LRP8: variants seen among roughly 807,000 people sequenced by gnomAD.
LRP8 encodes LDL receptor related protein 8, also known as low-density lipoprotein receptor-related protein 8.
LRP8 carries 46 observed loss-of-function variants against 111.6 expected under a neutral mutation model. That is an observed-to-expected ratio of 0.41 (90% CI 0.33 to 0.53). The LOEUF is 0.53. LRP8 is among the 20% of genes least tolerant of loss of function. The pLI is 0.20. For synonymous variants in LRP8, 464 were observed against 511.2 expected (o/e 0.91, Z 1.24); for missense variants, 959 against 1,297.4 (o/e 0.74, Z 4.01).
chr1:53,247,124 A>G (rs546434220), intron 18 of LRP8, 68 bp from the exon 19 acceptor site: 1 of 1,270,490 alleles, frequency 7.9e-7, no homozygotes, highest in South Asian at 1.4e-5. Flanking sequence ...GTATTGACAA[A>G]TCACAGACTT....
chr1:53,326,723 G>A (rs971476025), intron 2 of LRP8, 150 bp downstream of exon 2: 3 of 1,303,988 alleles, frequency 2.3e-6, no homozygotes, highest in South Asian at 3.1e-5. Context: ...CGAGGGAGGC[G>A]GTGCCCAGGC....
At chr1:53,251,609 A>G (rs749002975) in intron 16 of LRP8, among the ~76,000 whole-genome samples, 1 of 150,454 alleles carries the variant, frequency 6.6e-6, no homozygotes, top group Non-Finnish European at 1.5e-5. Flanking sequence ...CTAGGATGCT[A>G]TGGAAGGGGT....
intron 3 of LRP8, among the ~76,000 whole-genome samples, chr1:53,288,745 CT>C (rs1337947430): frequency 6.6e-6 from 1 of 152,218 alleles, no homozygotes; most frequent in Non-Finnish European, 1.5e-5. Flanking sequence ...TTGCCTGAGC[CT>C]TTTGTCTCGG....
intron 2 of LRP8, among the ~76,000 whole-genome samples, chr1:53,318,377 AG>A (rs1200095207): frequency 1.3e-5 from 2 of 151,996 alleles, no homozygotes; most frequent in African/African-American, 2.4e-5. Flanking sequence ...CCCTGTGCTC[AG>A]AGAAGAGGGA....
intron 2 of LRP8, among the ~76,000 whole-genome samples, chr1:53,319,129 G>A (rs1654168036): frequency 6.6e-6 from 1 of 152,168 alleles, no homozygotes. Flanking sequence ...ATCAAGGAAT[G>A]GGGATCATAA....
chr1:53,250,575 G>C lies in LRP8; in HGVS notation c.2676+115C>G. ...GGAAGGAAAGGAGGGAGGGAAGGAC[G>C]GAAGGAAGGAAGGGAGGGAAGAAAG... On this transcript the variant is annotated intron_variant, in intron 17 of 18. Transcript: ENST00000306052. This position sits in a 1 kb window ranked among gnomAD's most constrained non-coding sequence, Gnocchi z 4.6. 3 of 852,286 alleles carry C rather than the reference G, an allele frequency of 3.5e-6. No homozygotes were observed. The highest frequency in any genetic ancestry group is 5.5e-6 in the Non-Finnish European group (3 of 542,444). The allele number at this position is 852,286 out of a possible 1,614,324, so 52.8% of individuals were successfully genotyped here.
At chr1:53,301,218 G>A (rs1031982088) in intron 2 of LRP8, among the ~76,000 whole-genome samples, 3 of 152,162 alleles carry the variant, frequency 2.0e-5, no homozygotes, top group African/African-American at 7.2e-5. Flanking sequence ...TGGGGGCATT[G>A]GGGAACAAGG....
intron 13 of LRP8, 82 bp downstream of exon 13, chr1:53,260,376 CTGAATG>C: frequency 7.6e-7 from 1 of 1,308,452 alleles, no homozygotes; most frequent in Non-Finnish European, 1.1e-6. Context: ...GAGTTGTGAC[CTGAATG>C]TGAACACAGC....
chr1:53,314,020 C>T (rs1653453260), intron 2 of LRP8, among the ~76,000 whole-genome samples: 1 of 152,056 alleles, frequency 6.6e-6, no homozygotes, highest in South Asian at 2.1e-4. Flanking sequence ...AGTGTCGGGA[C>T]CTTCTTCCTT....
rs1653979520 is a variant in LRP8, at chr1:53,317,644, A to C, written c.244+9229T>G. On this transcript the variant is annotated intron_variant, in intron 2 of 18. Coordinates refer to ENST00000306052, the MANE Select transcript of LRP8 (RefSeq NM_004631.5). This position sits in a 1 kb window ranked among gnomAD's most constrained non-coding sequence, Gnocchi z 4.9. ...TTCCCTGTGCAGGAATCACAGGCTC[A>C]GGAAGGGAAGGGAAACGCTCATTTT... 6.6e-6 allele frequency among the ~76,000 whole-genome samples: 1 copy of C among 152,208 alleles called. No individual in the cohort carries two copies. Among genetic ancestry groups the C allele is most frequent in the Non-Finnish European group, 1.5e-5 (1 of 68,040 alleles).
At chr1:53,327,134 T>G in intron 1 of LRP8, 142 bp from the exon 2 acceptor site, 1 of 1,158,816 alleles carries the variant, frequency 8.6e-7, no homozygotes, top group Non-Finnish European at 1.2e-6. Flanking sequence ...GCACACTCCA[T>G]CCAAAGGGAG....
intron 2 of LRP8, among the ~76,000 whole-genome samples, chr1:53,326,362 C>A (rs1655123615): frequency 6.6e-6 from 1 of 152,244 alleles, no homozygotes; most frequent in Non-Finnish European, 1.5e-5. Context: ...CGATTGGCCG[C>A]TCCGGCCACG....
intron 6 of LRP8, among the ~76,000 whole-genome samples, chr1:53,273,003 A>C (rs1646807838): frequency 6.6e-6 from 1 of 152,192 alleles, no homozygotes. Context: ...AGAGAACTCA[A>C]AGTGACTGGC....
intron 1 of LRP8, 125 bp from the exon 2 acceptor site, chr1:53,327,117 G>A (rs747085567): frequency 5.2e-5 from 70 of 1,335,554 alleles, no homozygotes; most frequent in Non-Finnish European, 6.8e-5. Flanking sequence ...GACCCCGGGG[G>A]CTTCAGGCAC....
intron 2 of LRP8, among the ~76,000 whole-genome samples, chr1:53,300,704 T>A (rs532448676): frequency 1.1e-3 from 169 of 152,224 alleles, no homozygotes; most frequent in African/African-American, 3.9e-3. Context: ...CTCAGGGAGA[T>A]GCAAACCCTT....
chr1:53,299,080 G>A (rs892572537), intron 2 of LRP8, among the ~76,000 whole-genome samples: 1 of 152,230 alleles, frequency 6.6e-6, no homozygotes, highest in South Asian at 2.1e-4. Context: ...AAGAACCCAC[G>A]AGGCGCAGAC....
At chr1:53,268,267 T>C (rs1195545317) in intron 8 of LRP8, 1 of 152,160 alleles carries the variant, frequency 6.6e-6, no homozygotes, top group Non-Finnish European at 1.5e-5. Context: ...CATGTTGGAG[T>C]GATCTTAAAT....
chr1:53,301,573 CA>C (rs1222455008), intron 2 of LRP8, among the ~76,000 whole-genome samples: 1 of 151,434 alleles, frequency 6.6e-6, no homozygotes, highest in Admixed American at 6.6e-5. Context: ...ACAAAAATAC[CA>C]AAAAAAATTA....
chr1:53,247,650 C>T (rs981548454), intron 18 of LRP8, among the ~76,000 whole-genome samples: 4 of 152,152 alleles, frequency 2.6e-5, no homozygotes, highest in African/African-American at 9.7e-5. Context: ...GAAGGTGAGC[C>T]CACTAACCCC....
Sources: allele counts gnomAD v4.1 joint callset (sites outside exome capture counted in the v4.1 genomes callset), GRCh38; gene constraint gnomAD v4.1.1; non-coding constraint Gnocchi (gnomAD v3.1); transcripts MANE v1.5; gene names NCBI Gene and HGNC (gene_info 2026-07-23, HGNC 2026-07-21).